SIK2: variants seen among roughly 807,000 people sequenced by gnomAD.
SIK2 encodes the protein salt inducible kinase 2.
Under a neutral mutation model 103.2 loss-of-function variants are expected in SIK2, and 29 were observed. That is an observed-to-expected ratio of 0.28 (90% CI 0.21 to 0.38). The LOEUF is 0.38. Among genes scored for constraint, SIK2 ranks in the 10% least tolerant of loss-of-function variants. SIK2 has a pLI of 1.00. For missense variants in SIK2, 879 were observed against 1,171.0 expected (o/e 0.75, Z 3.64); for synonymous variants, 412 against 446.1 (o/e 0.92, Z 0.96).
At chr11:111,629,075 A>G (rs1735203512) in intron 3 of SIK2, among the ~76,000 whole-genome samples, 1 of 152,166 alleles carries the variant, frequency 6.6e-6, no homozygotes, top group African/African-American at 2.4e-5. Flanking sequence ...ATTTAGGAGT[A>G]CTTTAATTGT....
Position 111,729,942 on chromosome 11 carries a change from C to T in SIK2, c.*5813C>T, listed in dbSNP as rs984446811. On this transcript the variant is annotated 3_prime_UTR_variant, in exon 15 of 15. Transcript: ENST00000304987. ...CAATACAGCAGTTTCCTACAGAACA[C>T]CCCCTTCCTCAATTGCCAAGGGGCC... 1 of 152,318 alleles carries T rather than the reference C, an allele frequency of 6.6e-6. No homozygotes were observed. The highest frequency in any genetic ancestry group is 1.5e-5 in the Non-Finnish European group (1 of 68,106). 9.4% of individuals were successfully genotyped at this position (152,318 alleles called of 1,614,324 possible). A position where few individuals can be genotyped will look rare whatever the true frequency, so the allele number is the denominator to read the frequency against.
chr11:111,687,899 C>T, intron 3 of SIK2, 102 bp from the exon 4 acceptor site: 2 of 1,288,094 alleles, frequency 1.6e-6, no homozygotes, highest in Non-Finnish European at 2.1e-6. Context: ...GCCACTGCTC[C>T]TGGCCAGAAA....
chr11:111,705,199 A>C lies in SIK2; in HGVS notation c.1101+60A>C, dbSNP rs1943315403. 6.9e-7 allele frequency: 1 copy of C among 1,447,536 alleles called. No individual in the cohort carries two copies. Among genetic ancestry groups the C allele is most frequent in the Non-Finnish European group, 9.1e-7 (1 of 1,103,096 alleles). 89.7% of individuals were successfully genotyped at this position (1,447,536 alleles called of 1,614,324 possible). Reference sequence around the variant, plus strand: ...ATGTGCCTGTTCACATGTTTGATACATTTTTCATCTTATACACAGGGTTAG... The same window carrying C: ...ATGTGCCTGTTCACATGTTTGATACCTTTTTCATCTTATACACAGGGTTAG... On this transcript the variant is annotated intron_variant, in intron 8 of 14. Transcript: ENST00000304987. The surrounding 1 kb of genome is among the most constrained non-coding windows in gnomAD (Gnocchi z 4.3).
rs1941720861 is a variant in SIK2 at position 111,611,172 on chromosome 11, C to T, written c.136-5071C>T. ...GCTGAGGTGGGAGGATCATTTGAGCCTGGGAGGCAGAGGTTGCAGTGAGCT... is the reference window on the plus strand; with the variant it reads ...GCTGAGGTGGGAGGATCATTTGAGCTTGGGAGGCAGAGGTTGCAGTGAGCT... On this transcript the variant is annotated intron_variant, in intron 1 of 14. Coordinates refer to ENST00000304987, the MANE Select transcript of SIK2 (RefSeq NM_015191.3). 5.9e-5 allele frequency among the ~76,000 whole-genome samples: 9 copies of T among 151,426 alleles called. No homozygotes were observed. In the South Asian group the frequency reaches 1.9e-3, roughly 32 times the overall value.
intron 4 of SIK2, among the ~76,000 whole-genome samples, chr11:111,692,568 G>A (rs1436883430): frequency 6.6e-6 from 1 of 152,072 alleles, no homozygotes; most frequent in East Asian, 1.9e-4. Flanking sequence ...GCATGGGCCA[G>A]ATCATTCACG....
At chr11:111,675,735 C>A (rs1055816103) in intron 3 of SIK2, among the ~76,000 whole-genome samples, 1 of 152,142 alleles carries the variant, frequency 6.6e-6, no homozygotes, top group African/African-American at 2.4e-5. Context: ...GTTCCCAGTG[C>A]CAATTTTTTT....
intron 3 of SIK2, among the ~76,000 whole-genome samples, chr11:111,622,775 T>C (rs1221109225): frequency 6.6e-6 from 1 of 152,212 alleles, no homozygotes; most frequent in Non-Finnish European, 1.5e-5. Flanking sequence ...ACCACTGTTA[T>C]CTTTTTCTTT....
intron 3 of SIK2, among the ~76,000 whole-genome samples, chr11:111,681,797 C>A (rs985412405): frequency 6.6e-6 from 1 of 152,128 alleles, no homozygotes; most frequent in Non-Finnish European, 1.5e-5. Context: ...AATTTTGCAA[C>A]CCCTAATGAA....
intron 3 of SIK2, among the ~76,000 whole-genome samples, chr11:111,649,076 T>C (rs1247824635): frequency 2.6e-5 from 4 of 152,234 alleles, no homozygotes; most frequent in Non-Finnish European, 5.9e-5. Context: ...TATTTTATAA[T>C]TGATATGTAG....
intron 3 of SIK2, among the ~76,000 whole-genome samples, chr11:111,667,933 C>A (rs1487569758): frequency 6.6e-6 from 1 of 152,174 alleles, no homozygotes; most frequent in Non-Finnish European, 1.5e-5. Context: ...TCGAGAATGA[C>A]ATTTCAAGCT....
rs1943965036 is a variant in SIK2 at position 111,726,325 on chromosome 11, G to A, written c.*2196G>A. 6.6e-6 allele frequency: 1 copy of A among 152,304 alleles called. No individual in the cohort carries two copies. Among genetic ancestry groups the A allele is most frequent in the South Asian group, 2.1e-4 (1 of 4,836 alleles). 9.4% of individuals were successfully genotyped at this position (152,304 alleles called of 1,614,324 possible). On this transcript the variant is annotated 3_prime_UTR_variant, in exon 15 of 15. Transcript: ENST00000304987. ...TAGCCCAGGAGACCTGGGAGCTATGGCAGGACGGTTAGGCCAGCCGATGAG... is the reference window on the plus strand; with the variant it reads ...TAGCCCAGGAGACCTGGGAGCTATGACAGGACGGTTAGGCCAGCCGATGAG...
chr11:111,635,368 GAGA>G (rs1942093692), intron 3 of SIK2, among the ~76,000 whole-genome samples: 1 of 147,580 alleles, frequency 6.8e-6, no homozygotes, highest in Admixed American at 6.9e-5. Flanking sequence ...AAAGAGAAAA[GAGA>G]AGAGAAGGGA....
At chr11:111,616,422 G>C (rs1941807421) in intron 2 of SIK2, 63 bp downstream of exon 2, 1 of 912,258 alleles carries the variant, frequency 1.1e-6, no homozygotes, top group Non-Finnish European at 1.7e-6. Flanking sequence ...TTCGTATCAT[G>C]ATTTTTCTTC....
chr11:111,673,280 C>T (rs1404810066), intron 3 of SIK2, among the ~76,000 whole-genome samples: 2 of 152,224 alleles, frequency 1.3e-5, no homozygotes, highest in Admixed American at 6.5e-5. Flanking sequence ...TTGTTGAAAG[C>T]AACATTTATT....
At chr11:111,640,847 G>GC (rs1442851531) in intron 3 of SIK2, among the ~76,000 whole-genome samples, 1 of 141,856 alleles carries the variant, frequency 7.0e-6, no homozygotes, top group Non-Finnish European at 1.5e-5. Context: ...CCATTCTTCT[G>GC]CCTCAGCCTT....
At chr11:111,613,458 T>G (rs183599497) in intron 1 of SIK2, among the ~76,000 whole-genome samples, 99 of 152,330 alleles carry the variant, frequency 6.5e-4, no homozygotes, top group African/African-American at 2.4e-3. Flanking sequence ...AAACTTGATG[T>G]GATCTTCCTA....
intron 1 of SIK2, among the ~76,000 whole-genome samples, chr11:111,610,702 CATAAA>C (rs1440184598): frequency 2.6e-5 from 4 of 151,986 alleles, no homozygotes; most frequent in Admixed American, 2.0e-4. Context: ...ATATTTAAAT[CATAAA>C]ATAATATAGC....
chr11:111,681,031 A>G (rs905393648), intron 3 of SIK2, among the ~76,000 whole-genome samples: 2 of 152,224 alleles, frequency 1.3e-5, no homozygotes, highest in Admixed American at 6.5e-5. Flanking sequence ...ATAAAAAGAA[A>G]GATGAGCTCT....
At chr11:111,646,465 T>G (rs1942258896) in intron 3 of SIK2, among the ~76,000 whole-genome samples, 1 of 152,024 alleles carries the variant, frequency 6.6e-6, no homozygotes, top group South Asian at 2.1e-4. Context: ...AATAAATAAA[T>G]AAAATAAAGT....
Sources: allele counts gnomAD v4.1 joint callset (sites outside exome capture counted in the v4.1 genomes callset), GRCh38; gene constraint gnomAD v4.1.1; non-coding constraint Gnocchi (gnomAD v3.1); transcripts MANE v1.5; gene names NCBI Gene and HGNC (gene_info 2026-07-23, HGNC 2026-07-21).